Variants in BCORL1 observed in about 807,000 individuals in gnomAD.
BCORL1 encodes BCL-6 corepressor-like protein 1.
Under a neutral mutation model 87.6 loss-of-function variants are expected in BCORL1, and 7 were observed. The ratio of observed to expected loss-of-function variants is 0.08; its 90% CI spans 0.05 to 0.15. The LOEUF is 0.15. Ranked by LOEUF, BCORL1 falls within the 10% of genes least tolerant of loss-of-function variation. The probability of loss-of-function intolerance (pLI) is 1.00; values close to 1 mark genes in which losing one functional copy is unlikely to be tolerated. For synonymous variants in BCORL1, 591 were observed against 634.4 expected, an observed-to-expected ratio of 0.93 and a Z score of 1.03; for missense variants, 1,215 against 1,499.7, an observed-to-expected ratio of 0.81 and a Z score of 3.13.
At chrX:130,040,646 G>A (rs1298641412) in intron 11 of BCORL1, among the ~76,000 whole-genome samples, 1 of 112,617 alleles carries the variant, frequency 8.9e-6, no homozygotes, top group Non-Finnish European at 1.9e-5. Context: ...GCCTTGGAAT[G>A]TTCATTCAGT....
intron 4 of BCORL1, among the ~76,000 whole-genome samples, chrX:130,020,508 C>T (rs945284799): frequency 8.9e-6 from 1 of 111,931 alleles, no homozygotes; most frequent in Non-Finnish European, 1.9e-5. Flanking sequence ...TTAATTTACA[C>T]GTGAAAAGAG....
chrX:130,017,177 A>G (rs1363290247), intron 4 of BCORL1, among the ~76,000 whole-genome samples: 1 of 110,490 alleles, frequency 9.1e-6, no homozygotes, highest in African/African-American at 3.3e-5. Context: ...AATTTTGCCA[A>G]TAATTTTAGG....
chrX:129,994,791 T>C (rs1375334341), intron 1 of BCORL1, among the ~76,000 whole-genome samples: 9 of 104,268 alleles, frequency 8.6e-5, no homozygotes, highest in Admixed American at 8.0e-4. Flanking sequence ...AGTGGAAATA[T>C]TTGGATAGGA....
intron 11 of BCORL1, among the ~76,000 whole-genome samples, chrX:130,043,773 TA>T (rs1159355744): frequency 1.3e-4 from 3 of 23,300 alleles, no homozygotes; most frequent in African/African-American, 8.6e-4. Flanking sequence ...TATATATATA[TA>T]TATATATATA....
At chrX:130,052,181 C>CT (rs1414572950) in intron 13 of BCORL1, among the ~76,000 whole-genome samples, 165 bp downstream of exon 13, 1 of 112,387 alleles carries the variant, frequency 8.9e-6, no homozygotes, top group Non-Finnish European at 1.9e-5. Flanking sequence ...AAACTAGAGG[C>CT]TGCAGGCTCC....
At chrX:130,005,084 A>G in intron 1 of BCORL1, 104 bp from the exon 2 acceptor site, 4 of 487,116 alleles carry the variant, frequency 8.2e-6, no homozygotes, top group Non-Finnish European at 1.4e-5. Flanking sequence ...CTGCTTTAAC[A>G]TTCTGATGCT....
intron 1 of BCORL1, among the ~76,000 whole-genome samples, chrX:130,004,325 ACCTCTG>A (rs1378813445): frequency 9.5e-6 from 1 of 104,814 alleles, no homozygotes; most frequent in Non-Finnish European, 1.9e-5. Context: ...GCTCACTGCA[ACCTCTG>A]CCTCTTGGGT....
intron 11 of BCORL1, among the ~76,000 whole-genome samples, chrX:130,041,744 A>C (rs1337907540): frequency 9.0e-6 from 1 of 111,101 alleles, no homozygotes; most frequent in African/African-American, 3.3e-5. Flanking sequence ...CTCCTGCCTC[A>C]GCCTCCCAAG....
In BCORL1 at chrX:130,042,546, C is replaced by A. The variant is rs1394632282; in HGVS notation, c.4840+3264C>A. 8.9e-5 allele frequency among the ~76,000 whole-genome samples: 10 copies of A among 112,474 alleles called. No homozygotes were observed. The Admixed American group carries it at 9.4e-4, about 11-fold the overall frequency. ...ACCACCACAGGAAGGCAGGCACTGG[C>A]AGGAGTCAGCAGGCTCTCAAGAAGC... is the stretch of plus-strand genomic sequence containing the variant. On this transcript the variant is annotated intron_variant, in intron 11 of 13. Transcript: ENST00000540052.
In BCORL1 at chrX:130,014,708, G is replaced by A; in HGVS notation, c.1936G>A (p.Val646Met). 8.3e-7 allele frequency: 1 copy of A among 1,211,390 alleles called. No individual in the cohort carries two copies. Among genetic ancestry groups the A allele is most frequent in the Non-Finnish European group, 1.1e-6 (1 of 895,410 alleles). ...PNQRKTPPMP[V>M]LTPVHTSSKA... Reference sequence around the variant, plus strand: ...CCAGCGCAAGACACCCCCCATGCCTGTGTTGACCCCCGTGCACACCAGCAG... The same window carrying A: ...CCAGCGCAAGACACCCCCCATGCCTATGTTGACCCCCGTGCACACCAGCAG... The change falls in exon 4 of 14, where the codon GTG becomes ATG. Residue 646 changes from valine to methionine, a missense_variant. Val to Met is a conservative substitution (Grantham distance 21, BLOSUM62 1). This residue lies in a region of BCORL1 where 861 missense variants were observed against 1,010.0 expected (regional missense o/e 0.85). Coordinates refer to ENST00000540052, the MANE Select transcript of BCORL1 (RefSeq NM_001379451.1).
chrX:130,055,341 G>T (rs946134908), intron 13 of BCORL1, among the ~76,000 whole-genome samples: 1 of 112,709 alleles, frequency 8.9e-6, no homozygotes, highest in Non-Finnish European at 1.9e-5. Flanking sequence ...TGGATTACCC[G>T]CAGTTTAGGC....
At chrX:129,984,222 T>TTGCCGCCGCCGCCGCCGCCGC (rs1265606755) in intron 1 of BCORL1, among the ~76,000 whole-genome samples, 1 of 103,560 alleles carries the variant, frequency 9.7e-6, no homozygotes, top group Non-Finnish European at 2.0e-5. Flanking sequence ...GCCGCAGCCG[T>TTGCCGCCGCCGCCGCCGCCGC]TGCCGCCGCC....
At chrX:130,040,056 G>A (rs1326500671) in intron 11 of BCORL1, among the ~76,000 whole-genome samples, 1 of 112,629 alleles carries the variant, frequency 8.9e-6, no homozygotes, top group Non-Finnish European at 1.9e-5. Context: ...GCCTCTTAGT[G>A]ACATCACAGT....
chrX:129,999,694 C>G (rs767218906), intron 1 of BCORL1, among the ~76,000 whole-genome samples: 1 of 102,490 alleles, frequency 9.8e-6, no homozygotes. Context: ...TCCCCCCCCC[C>G]AGACAGAGTC....
At chrX:130,020,928 G>C (rs1417001135) in intron 4 of BCORL1, 57 bp from the exon 5 acceptor site, 23 of 1,097,473 alleles carry the variant, frequency 2.1e-5, no homozygotes, top group Non-Finnish European at 2.7e-5. Context: ...TCAACCCCTG[G>C]AGAGCTTTCT....
At chrX:130,021,692 T>C (rs1603126275) in intron 5 of BCORL1, among the ~76,000 whole-genome samples, 2 of 111,805 alleles carry the variant, frequency 1.8e-5, no homozygotes, top group South Asian at 7.5e-4. Flanking sequence ...CTGGGCACCC[T>C]TATCAGGGAG....
At chrX:130,003,337 TCTC>T (rs572134322) in intron 1 of BCORL1, among the ~76,000 whole-genome samples, 4 of 106,556 alleles carry the variant, frequency 3.8e-5, no homozygotes, top group Non-Finnish European at 5.7e-5. Context: ...TGTTGTATTA[TCTC>T]CTCCTCCTCC....
chrX:130,024,712 G>A (rs1930112413), intron 6 of BCORL1, among the ~76,000 whole-genome samples: 1 of 111,615 alleles, frequency 9.0e-6, no homozygotes, highest in Non-Finnish European at 1.9e-5. Context: ...AATACTTGAT[G>A]TTGTCTGGTA....
intron 1 of BCORL1, among the ~76,000 whole-genome samples, chrX:129,983,783 C>T (rs1427387668): frequency 1.8e-5 from 2 of 109,909 alleles, no homozygotes; most frequent in Non-Finnish European, 3.8e-5. Context: ...ATACTAGCAC[C>T]GGCAAGCCAG....
Sources: allele counts gnomAD v4.1 joint callset (sites outside exome capture counted in the v4.1 genomes callset), GRCh38; gene constraint gnomAD v4.1.1; regional missense constraint gnomAD v4.1.1; transcripts MANE v1.5; gene names NCBI Gene and HGNC (gene_info 2026-07-23, HGNC 2026-07-21).